The following ZFHX3 variants were observed in gnomAD, a reference collection of about 807,000 sequenced individuals.
ZFHX3 encodes the protein zinc finger homeobox protein 3.
In ZFHX3, 42 loss-of-function variants were observed where a neutral mutation model predicts 279.1. That is an observed-to-expected ratio of 0.15 (90% CI 0.12 to 0.19). The LOEUF (loss-of-function observed/expected upper bound fraction) is 0.19, where lower values mean the gene tolerates loss of function less well. ZFHX3 is among the 10% of genes least tolerant of loss of function. ZFHX3 has a pLI of 1.00. For synonymous variants in ZFHX3, 2,293 were observed against 1,957.8 expected (o/e 1.17, Z -4.52); for missense variants, 4,981 against 4,754.0 (o/e 1.05, Z -1.40).
intron 4 of ZFHX3, among the ~76,000 whole-genome samples, chr16:73,274,091 C>T (rs1268047427): frequency 6.6e-6 from 1 of 152,174 alleles, no homozygotes; most frequent in Non-Finnish European, 1.5e-5. Flanking sequence ...TTGCAGTGAG[C>T]TGAGATCACA....
chr16:73,669,866 C>T (rs1597057444), intron 2 of ZFHX3, among the ~76,000 whole-genome samples: 2 of 152,320 alleles, frequency 1.3e-5, no homozygotes, highest in East Asian at 3.9e-4. Context: ...CTCAGAAAAT[C>T]ACCTTTTATA....
At chr16:73,448,088 G>A (rs990529549) in intron 3 of ZFHX3, among the ~76,000 whole-genome samples, 1 of 152,152 alleles carries the variant, frequency 6.6e-6, no homozygotes. Context: ...GCCTTGCTGT[G>A]TGTTTGTGGG....
At chr16:72,819,999 A>C (rs1006812404) in intron 5 of ZFHX3, among the ~76,000 whole-genome samples, 24 of 152,184 alleles carry the variant, frequency 1.6e-4, no homozygotes, top group African/African-American at 5.8e-4. Context: ...GCGTCTTTTT[A>C]GTGCTGGCTT....
At chr16:73,205,279 T>C (rs894678751) in intron 5 of ZFHX3, among the ~76,000 whole-genome samples, 4 of 152,166 alleles carry the variant, frequency 2.6e-5, no homozygotes, top group African/African-American at 9.7e-5. Context: ...CTAGGACATG[T>C]CCAAGTGCCA....
At chr16:73,008,136 G>A (rs975532716) in intron 1 of ZFHX3, among the ~76,000 whole-genome samples, 3 of 152,010 alleles carry the variant, frequency 2.0e-5, no homozygotes, top group Non-Finnish European at 4.4e-5. Flanking sequence ...CTTTAGGCTT[G>A]TTTTATGCTT....
At chr16:73,524,558 A>G (rs2019659758) in intron 2 of ZFHX3, among the ~76,000 whole-genome samples, 1 of 152,128 alleles carries the variant, frequency 6.6e-6, no homozygotes, top group Non-Finnish European at 1.5e-5. Context: ...CATGTTCTTG[A>G]TTCTCACGTT....
At chr16:72,817,588 T>C (rs1218479802) in intron 5 of ZFHX3, among the ~76,000 whole-genome samples, 2 of 152,202 alleles carry the variant, frequency 1.3e-5, no homozygotes, top group African/African-American at 2.4e-5. Flanking sequence ...CAGTGCGCTG[T>C]TGGCATGGCT....
At chr16:73,689,063 T>C (rs536470819) in intron 1 of ZFHX3, among the ~76,000 whole-genome samples, 2 of 152,304 alleles carry the variant, frequency 1.3e-5, no homozygotes, top group South Asian at 2.1e-4. Context: ...ACAAACACAA[T>C]GGCCAAACAA....
chr16:73,019,377 T>C (rs983190214), intron 1 of ZFHX3, among the ~76,000 whole-genome samples: 44 of 152,128 alleles, frequency 2.9e-4, no homozygotes, highest in African/African-American at 1.0e-3. Flanking sequence ...TGCGTGTGCG[T>C]GTGCGTGTCT....
In ZFHX3 at chr16:73,421,776, G is replaced by T. The variant is rs570334745; in HGVS notation, c.-1291+34227C>A. ...ATCTCTCCAGGGCTTCTGTCTGGGT[G>T]GGGGATGGGTTTGTTGGTCAGGATT... On this transcript the variant is annotated intron_variant, in intron 3 of 17. Transcript: ENST00000641206. Among the ~76,000 whole-genome samples the T allele has an allele frequency of 1.3e-4, 20 of 152,256 alleles. 2 individuals are homozygous for T. The South Asian group carries it at 3.3e-3, about 25-fold the overall frequency.
chr16:73,040,700 C>A (rs188885105), intron 1 of ZFHX3, among the ~76,000 whole-genome samples: 281 of 152,244 alleles, frequency 1.8e-3, no homozygotes, highest in Middle Eastern at 0.014. Flanking sequence ...TTATTTCTTC[C>A]AAGGTGGTAA....
chr16:73,283,170 C>CT (rs1343561081), intron 4 of ZFHX3, among the ~76,000 whole-genome samples: 2 of 152,210 alleles, frequency 1.3e-5, no homozygotes, highest in African/African-American at 4.8e-5. Flanking sequence ...ATGAGCGTTG[C>CT]TGTGTTCCAA....
At chr16:72,988,773 T>C (rs970757550) in intron 1 of ZFHX3, among the ~76,000 whole-genome samples, 4 of 152,272 alleles carry the variant, frequency 2.6e-5, no homozygotes, top group African/African-American at 9.6e-5. Context: ...GCTATAAATT[T>C]AAATTGCAAA....
chr16:73,721,000 T>C (rs1158350836), intron 1 of ZFHX3, among the ~76,000 whole-genome samples: 1 of 152,254 alleles, frequency 6.6e-6, no homozygotes, highest in Non-Finnish European at 1.5e-5. Flanking sequence ...CAGAAGTGTT[T>C]TATTTGGCCT....
intron 1 of ZFHX3, among the ~76,000 whole-genome samples, chr16:73,019,378 G>C (rs1214312054): frequency 1.3e-5 from 2 of 150,164 alleles, no homozygotes; most frequent in Non-Finnish European, 3.0e-5. Context: ...GCGTGTGCGT[G>C]TGCGTGTCTG....
intron 2 of ZFHX3, among the ~76,000 whole-genome samples, chr16:73,541,454 C>T (rs1160564020): frequency 6.6e-6 from 1 of 151,904 alleles, no homozygotes; most frequent in East Asian, 1.9e-4. Flanking sequence ...GCACTACACT[C>T]CAGCCTGGGG....
chr16:72,839,823 C>T lies in ZFHX3; in HGVS notation c.3449-9964G>A, dbSNP rs528882905. ...TTCCCTGATGGGGTACCCGTTCCCT[C>T]CTGTCCCCTTCCTCTGTAGGAAGGG... On this transcript the variant is annotated intron_variant, in intron 4 of 9. Transcript: ENST00000268489. Among the ~76,000 whole-genome samples the T allele has an allele frequency of 3.9e-5, 6 of 152,266 alleles. No homozygotes were observed. In the South Asian group the frequency reaches 1.2e-3, roughly 32 times the overall value.
chr16:73,095,261 G>A (rs1966146180), intron 7 of ZFHX3, among the ~76,000 whole-genome samples: 3 of 151,998 alleles, frequency 2.0e-5, no homozygotes, highest in Admixed American at 2.0e-4. Flanking sequence ...TGGATGAAAA[G>A]AAAATAAAAG....
intron 3 of ZFHX3, among the ~76,000 whole-genome samples, chr16:73,416,680 T>C (rs1427086551): frequency 1.3e-5 from 2 of 152,074 alleles, no homozygotes; most frequent in East Asian, 1.9e-4. Flanking sequence ...GAGACCATCC[T>C]GGCTAACATG....
Sources: gnomAD v4.1 joint callset for allele counts (sites outside exome capture counted in the v4.1 genomes callset) on GRCh38, gnomAD v4.1.1 for gene constraint, MANE v1.5 for transcripts, NCBI Gene and HGNC (gene_info 2026-07-23, HGNC 2026-07-21) for gene names.